The following CD247 variants were observed in gnomAD, a reference collection of about 807,000 sequenced individuals.
CD247 encodes T-cell surface glycoprotein CD3 zeta chain.
CD247 carries 13 observed loss-of-function variants against 30.0 expected under a neutral mutation model. The observed-to-expected ratio is 0.43, with a 90% confidence interval of 0.28 to 0.69. CD247 has a LOEUF of 0.69. CD247 is among the 30% of genes least tolerant of loss of function. The probability of loss-of-function intolerance (pLI) is 0.16; values close to 1 mark genes in which losing one functional copy is unlikely to be tolerated. For missense variants in CD247, 193 were observed against 212.6 expected, an observed-to-expected ratio of 0.91 and a Z score of 0.57; for synonymous variants, 72 against 80.0, an observed-to-expected ratio of 0.90 and a Z score of 0.53.
chr1:167,507,657 GA>G (rs552103614), intron 1 of CD247, among the ~76,000 whole-genome samples: 13 of 152,092 alleles, frequency 8.5e-5, no homozygotes, highest in Middle Eastern at 3.4e-3. Flanking sequence ...GCAACGTAGT[GA>G]GAACCTGTAT....
rs371305010 is a variant in CD247, at chr1:167,440,657, T to C, written c.162+7A>G. On this transcript the variant is annotated splice_region_variant and intron_variant, in intron 2 of 7. Transcript: ENST00000362089. ...GTGCCCTCCTCCCAAAGCCCAGTGG[T>C]ACCCACCTTCACTCTCAGGAACAAG... is the stretch of plus-strand genomic sequence containing the variant. 24 of 1,597,918 alleles carry C rather than the reference T, an allele frequency of 1.5e-5. No homozygotes were observed. The African/African-American group carries it at 1.6e-4, about 11-fold the overall frequency.
At position 167,482,438 on chromosome 1, in the gene CD247, G is replaced by A. The variant is rs115910081; in HGVS notation, c.58+35970C>T. On this transcript the variant is annotated intron_variant, in intron 1 of 7. Transcript: ENST00000362089. The stretch of plus-strand genomic sequence containing the variant: ...TTCTGAATCTGCCCTGGCCTCTGTG[G>A]GGGTGGGGTGGAGTGAACGTCTTTC... 1.2e-3 allele frequency among the ~76,000 whole-genome samples: 187 copies of A among 152,338 alleles called. 1 individual carries two copies. Among genetic ancestry groups the A allele is most frequent in the African/African-American group, 4.2e-3 (176 of 41,574 alleles).
intron 1 of CD247, among the ~76,000 whole-genome samples, chr1:167,463,545 G>A (rs551829348): frequency 1.3e-5 from 2 of 152,172 alleles, no homozygotes; most frequent in Non-Finnish European, 2.9e-5. Context: ...GGGATATTTA[G>A]AATCTAGGTT....
chr1:167,511,009 T>C (rs1274778243), intron 1 of CD247, among the ~76,000 whole-genome samples: 1 of 152,188 alleles, frequency 6.6e-6, no homozygotes, highest in African/African-American at 2.4e-5. Context: ...CAGAAAACCA[T>C]CTTTTGCTTT....
intron 7 of CD247, among the ~76,000 whole-genome samples, chr1:167,432,120 C>T (rs1256113196): frequency 2.0e-5 from 3 of 152,242 alleles, no homozygotes; most frequent in Non-Finnish European, 2.9e-5. Context: ...AGGGCCCAGA[C>T]CTGCTCCAGA....
At chr1:167,506,729 A>G (rs1240754142) in intron 1 of CD247, among the ~76,000 whole-genome samples, 1 of 152,120 alleles carries the variant, frequency 6.6e-6, no homozygotes, top group East Asian at 1.9e-4. Flanking sequence ...ATTCCTAAAG[A>G]CTTTGCAAAA....
At chr1:167,478,160 A>G (rs971871350) in intron 1 of CD247, among the ~76,000 whole-genome samples, 7 of 152,248 alleles carry the variant, frequency 4.6e-5, no homozygotes, top group African/African-American at 1.7e-4. Flanking sequence ...TTACTGCAGC[A>G]CAGCTGCTAT....
At chr1:167,433,486 G>T (rs565815936) in intron 6 of CD247, among the ~76,000 whole-genome samples, 1 of 152,196 alleles carries the variant, frequency 6.6e-6, no homozygotes, top group African/African-American at 2.4e-5. Context: ...CCAGCTAGAA[G>T]ACCTTGGGTA....
rs746443810 is a variant in CD247, at chr1:167,469,903, C to CTTTAT, written c.59-29141_59-29137dup. ...TGATTTCATCTATTCATTCTCGGTACTTTATTTTATTTTATTTTATTTTTT... is the reference window on the plus strand; with the variant it reads ...TGATTTCATCTATTCATTCTCGGTACTTTATTTTATTTTATTTTATTTTATTTTTT... On this transcript the variant is annotated intron_variant, in intron 1 of 7. Coordinates refer to ENST00000362089, the MANE Select transcript of CD247 (RefSeq NM_198053.3). Among the ~76,000 whole-genome samples, 41 of 152,028 alleles carry CTTTAT rather than the reference C, an allele frequency of 2.7e-4. 1 individual carries two copies. In the East Asian group the frequency reaches 3.9e-3, roughly 14 times the overall value.
chr1:167,440,068 A>G (rs1651748659), intron 2 of CD247: 1 of 164,972 alleles, frequency 6.1e-6, no homozygotes, highest in African/African-American at 2.4e-5. Context: ...AAACTCAGTA[A>G]GATTTGGTTT....
intron 1 of CD247, among the ~76,000 whole-genome samples, chr1:167,456,976 A>G (rs1428139228): frequency 6.6e-6 from 1 of 152,232 alleles, no homozygotes; most frequent in Non-Finnish European, 1.5e-5. Flanking sequence ...TAGTGAGGAC[A>G]GTCCTGGAAT....
At chr1:167,466,125 C>T (rs1358637310) in intron 1 of CD247, among the ~76,000 whole-genome samples, 1 of 152,212 alleles carries the variant, frequency 6.6e-6, no homozygotes, top group Non-Finnish European at 1.5e-5. Flanking sequence ...CAACTAGCTG[C>T]AGAGCCCAAG....
chr1:167,467,484 C>T (rs1653308756), intron 1 of CD247, among the ~76,000 whole-genome samples: 1 of 152,154 alleles, frequency 6.6e-6, no homozygotes, highest in African/African-American at 2.4e-5. Flanking sequence ...GCTTCTTTGC[C>T]TCGGTGACTC....
chr1:167,489,860 A>G (rs894699730), intron 1 of CD247, among the ~76,000 whole-genome samples: 1 of 152,144 alleles, frequency 6.6e-6, no homozygotes, highest in Admixed American at 6.5e-5. Context: ...CTTCAAAAGC[A>G]GTTTTTAAAA....
intron 1 of CD247, among the ~76,000 whole-genome samples, chr1:167,509,881 A>C (rs768985405): frequency 3.2e-4 from 48 of 152,140 alleles, no homozygotes; most frequent in Non-Finnish European, 5.7e-4. Context: ...GGAAGCTACA[A>C]AAAAGGAAAG....
intron 1 of CD247, among the ~76,000 whole-genome samples, chr1:167,515,620 C>T (rs994103549): frequency 1.3e-5 from 2 of 152,190 alleles, no homozygotes; most frequent in African/African-American, 4.8e-5. Flanking sequence ...ATGTAACAGT[C>T]ATCCTATGAC....
At position 167,514,546 on chromosome 1, in the gene CD247, C is replaced by T. The variant is rs371534573; in HGVS notation, c.58+3862G>A. Among the ~76,000 whole-genome samples the T allele has an allele frequency of 6.1e-4, 93 of 152,222 alleles. No homozygotes were observed. The South Asian group carries it at 0.016, about 26-fold the overall frequency. Reference sequence around the variant, plus strand: ...GTTGTTTTTTAGACCGGAAGACATACTATGTACATGCGCTGACTAAAGCGA... The same window carrying T: ...GTTGTTTTTTAGACCGGAAGACATATTATGTACATGCGCTGACTAAAGCGA... On this transcript the variant is annotated intron_variant, in intron 1 of 7. Transcript: ENST00000362089.
intron 3 of CD247, among the ~76,000 whole-genome samples, 194 bp downstream of exon 3, chr1:167,439,150 C>T (rs1033932834): frequency 2.0e-5 from 3 of 152,126 alleles, no homozygotes; most frequent in Non-Finnish European, 4.4e-5. Flanking sequence ...ATCTTTATGG[C>T]GCCCTTTGAG....
chr1:167,477,939 T>C lies in CD247; in HGVS notation c.59-37172A>G, dbSNP rs1437303736. 3.9e-5 allele frequency among the ~76,000 whole-genome samples: 6 copies of C among 152,340 alleles called. No homozygotes were observed. The South Asian group carries it at 6.2e-4, about 16-fold the overall frequency. ...GTTGCTGGCCCTGCTGCCAATCCTG[T>C]GACCAGCCCTGGGTCTCCCCTTCTG... On this transcript the variant is annotated intron_variant, in intron 1 of 7. Coordinates refer to ENST00000362089, the MANE Select transcript of CD247 (RefSeq NM_198053.3).
Sources: gnomAD v4.1 joint callset for allele counts (sites outside exome capture counted in the v4.1 genomes callset) on GRCh38, gnomAD v4.1.1 for gene constraint, MANE v1.5 for transcripts, NCBI Gene and HGNC (gene_info 2026-07-23, HGNC 2026-07-21) for gene names.